Variants in DPH6 observed in about 807,000 individuals in gnomAD.
The protein encoded by DPH6 is diphthamine biosynthesis 6.
Under a neutral mutation model 38.2 loss-of-function variants are expected in DPH6, and 33 were observed. The observed-to-expected ratio is 0.86, with a 90% CI of 0.65 to 1.15. The LOEUF is 1.15. DPH6 is among the 50% of genes most tolerant of loss of function. The pLI, the probability that DPH6 is intolerant of heterozygous loss-of-function variation, is 0.00. For missense variants in DPH6, 325 were observed against 320.0 expected (o/e 1.02, Z -0.12); for synonymous variants, 108 against 103.0 (o/e 1.05, Z -0.30).
At chr15:35,179,601 T>A in the DPH6 span, among the ~76,000 whole-genome samples, 1 of 152,206 alleles carries the variant, frequency 6.6e-6, no homozygotes, top group Non-Finnish European at 1.5e-5. Flanking sequence ...ATGTGTGCAC[T>A]TATATTCACA....
chr15:35,369,956 C>T (rs2052696361), downstream of DPH6, among the ~76,000 whole-genome samples: 1 of 151,770 alleles, frequency 6.6e-6, no homozygotes, highest in South Asian at 2.1e-4. Context: ...CAAACACTAT[C>T]TGACTTGAAT....
At chr15:35,461,171 G>A (rs1427103619) in intron 3 of DPH6, among the ~76,000 whole-genome samples, 4 of 152,120 alleles carry the variant, frequency 2.6e-5, no homozygotes, top group African/African-American at 9.7e-5. Context: ...TGCAACCTCC[G>A]CCTGCCGGGT....
the DPH6 span, among the ~76,000 whole-genome samples, chr15:35,188,732 C>T: frequency 6.6e-6 from 1 of 152,086 alleles, no homozygotes; most frequent in Admixed American, 6.6e-5. Context: ...GACTCAGATA[C>T]ATTCCACTGC....
chr15:35,377,330 T>A (rs1162634777), intron 7 of DPH6, among the ~76,000 whole-genome samples: 1 of 151,918 alleles, frequency 6.6e-6, no homozygotes, highest in African/African-American at 2.4e-5. Context: ...CACCCATCCA[T>A]CCATCCATCC....
At chr15:35,397,178 A>T (rs114878004) in intron 6 of DPH6, among the ~76,000 whole-genome samples, 183 of 152,364 alleles carry the variant, frequency 1.2e-3, no homozygotes, top group African/African-American at 4.1e-3. Context: ...ATCCAGGTTT[A>T]GCTCTTACAG....
At chr15:35,437,560 A>G (rs1282810078) in intron 5 of DPH6, among the ~76,000 whole-genome samples, 1 of 152,248 alleles carries the variant, frequency 6.6e-6, no homozygotes, top group Non-Finnish European at 1.5e-5. Context: ...GGGAATGGTA[A>G]GGATCACTGT....
chr15:35,190,134 G>A, the DPH6 span, among the ~76,000 whole-genome samples: 1 of 152,172 alleles, frequency 6.6e-6, no homozygotes, highest in South Asian at 2.1e-4. Flanking sequence ...TAAAATTTCA[G>A]GGGGGATATG....
the DPH6 span, among the ~76,000 whole-genome samples, chr15:35,182,496 G>A: frequency 3.3e-5 from 5 of 151,750 alleles, no homozygotes; most frequent in Admixed American, 1.3e-4. Context: ...ACTCCCCATC[G>A]ATAGCATGTA....
intron 3 of DPH6, chr15:35,520,968 A>G: frequency 1.0e-6 from 1 of 985,262 alleles, no homozygotes; most frequent in Non-Finnish European, 1.2e-6. Context: ...CAGAACTGTG[A>G]AAGTGTTACA....
chr15:35,366,517 C>T (rs2052662133), downstream of DPH6, among the ~76,000 whole-genome samples: 1 of 151,804 alleles, frequency 6.6e-6, no homozygotes, highest in Non-Finnish European at 1.5e-5. Flanking sequence ...AAAATACATG[C>T]TCATTGTTAA....
chr15:35,449,688 A>G (rs998068427), intron 5 of DPH6, among the ~76,000 whole-genome samples: 26 of 152,182 alleles, frequency 1.7e-4, no homozygotes, highest in Non-Finnish European at 3.4e-4. Context: ...TCAGAAATAA[A>G]AACATAATAT....
At chr15:35,478,096 A>G (rs527481104) in intron 3 of DPH6, among the ~76,000 whole-genome samples, 1 of 152,012 alleles carries the variant, frequency 6.6e-6, no homozygotes, top group South Asian at 2.1e-4. Flanking sequence ...GTGTCAGTTA[A>G]TCAGATAAAA....
At chr15:35,500,048 A>G (rs1182601338) in intron 3 of DPH6, among the ~76,000 whole-genome samples, 1 of 152,150 alleles carries the variant, frequency 6.6e-6, no homozygotes, top group Non-Finnish European at 1.5e-5. Flanking sequence ...ATCTTAAAGG[A>G]GGTGTCATAT....
At chr15:35,511,663 G>A (rs1219725451) in intron 3 of DPH6, among the ~76,000 whole-genome samples, 8 of 151,602 alleles carry the variant, frequency 5.3e-5, no homozygotes, top group East Asian at 1.9e-4. Context: ...TAATAGCAGC[G>A]TTTTCATATC....
At chr15:35,274,613 T>C (rs1230219584) in intron 3 of DPH6, among the ~76,000 whole-genome samples, 1 of 151,364 alleles carries the variant, frequency 6.6e-6, no homozygotes, top group South Asian at 2.1e-4. Context: ...AAAGAAGACA[T>C]TTATGCAGCC....
the DPH6 span, among the ~76,000 whole-genome samples, chr15:35,145,598 A>G: frequency 6.6e-6 from 1 of 152,236 alleles, no homozygotes; most frequent in Non-Finnish European, 1.5e-5. Flanking sequence ...GTTCCTGTCT[A>G]TGAGGGGTAG....
At chr15:35,194,369 C>CAGAGAGAGAGAG in the DPH6 span, among the ~76,000 whole-genome samples, 173 of 144,750 alleles carry the variant, frequency 1.2e-3, no homozygotes, top group Middle Eastern at 3.6e-3. Flanking sequence ...TTCCTTTTTC[C>CAGAGAGAGAGAG]AGAGAGAGAG....
At chr15:35,184,412 C>CA in the DPH6 span, among the ~76,000 whole-genome samples, 1 of 152,154 alleles carries the variant, frequency 6.6e-6, no homozygotes, top group Admixed American at 6.5e-5. Context: ...ATAATCCTCC[C>CA]ACTGAAAAGT....
intron 5 of DPH6, among the ~76,000 whole-genome samples, chr15:35,440,619 T>G (rs944470512): frequency 6.6e-6 from 1 of 152,166 alleles, no homozygotes; most frequent in Non-Finnish European, 1.5e-5. Context: ...GGCAGTTATA[T>G]GTCCTTCTTT....
Sources: gnomAD v4.1 joint callset for allele counts (sites outside exome capture counted in the v4.1 genomes callset) on GRCh38, gnomAD v4.1.1 for gene constraint, MANE v1.5 for transcripts, NCBI Gene and HGNC (gene_info 2026-07-23, HGNC 2026-07-21) for gene names.